The following SAMD15 variants were observed in gnomAD, a reference collection of about 807,000 sequenced individuals.
The protein encoded by SAMD15 is sterile alpha motif domain-containing protein 15.
Under a neutral mutation model 50.5 loss-of-function variants are expected in SAMD15, and 37 were observed. The observed-to-expected ratio is 0.73, with a 90% CI of 0.56 to 0.96. SAMD15 has a LOEUF of 0.96. SAMD15 is among the 40% of genes least tolerant of loss of function. The pLI, the probability that SAMD15 is intolerant of heterozygous loss-of-function variation, is 0.00. For synonymous variants in SAMD15, 255 were observed against 282.8 expected, an observed-to-expected ratio of 0.90 and a Z score of 0.99; for missense variants, 789 against 783.8, an observed-to-expected ratio of 1.01 and a Z score of -0.08.
Position 77,391,225 on chromosome 14 carries a change from T to G in SAMD15, c.2006T>G (p.Leu669Ter), listed in dbSNP as rs1894068723. 3 of 1,608,632 alleles carry G rather than the reference T, an allele frequency of 1.9e-6. No homozygotes were observed. The highest frequency in any genetic ancestry group is 1.7e-6 in the Non-Finnish European group (2 of 1,174,940). Reference protein sequence around the residue: ...EITAPEENEELPCTEP With the variant: ...EITAPEENEE The stretch of plus-strand genomic sequence containing the variant: ...ACTGCCCCTGAAGAGAATGAGGAAT[T>G]ACCTTGCACTGAACCATAGGGGAAA... Residue 669 changes from leucine to a stop codon, truncating the protein, a stop_gained, in exon 3 of 3, where the codon TTA (leucine) becomes TGA (stop). Coordinates refer to ENST00000216471, the MANE Select transcript of SAMD15 (RefSeq NM_001010860.4). LOFTEE classifies it low-confidence loss of function (END_TRUNC).
At chr14:77,390,690 G>A (rs1180328787) in intron 2 of SAMD15, among the ~76,000 whole-genome samples, 1 of 152,170 alleles carries the variant, frequency 6.6e-6, no homozygotes, top group Non-Finnish European at 1.5e-5. Flanking sequence ...AAAAGTTCGA[G>A]ACCAGCCTGG....
At chr14:77,379,943 G>A (rs1388501738) in intron 1 of SAMD15, among the ~76,000 whole-genome samples, 1 of 152,120 alleles carries the variant, frequency 6.6e-6, no homozygotes, top group African/African-American at 2.4e-5. Context: ...ATGCCAACTA[G>A]GTTTAAGGCT....
chr14:77,391,210 A>G lies in SAMD15; in HGVS notation c.1991A>G (p.Glu664Gly), dbSNP rs1488444827. 2 of 1,613,648 alleles carry G rather than the reference A, an allele frequency of 1.2e-6. No individual in the cohort carries two copies. Among genetic ancestry groups the G allele is most frequent in the Admixed American group, 1.7e-5 (1 of 60,020 alleles). ...QDYAPEITAP[E>G]ENEELPCTEP is the part of the protein sequence containing the mutation. The stretch of plus-strand genomic sequence containing the variant: ...TATGCTCCAGAAATAACTGCCCCTG[A>G]AGAGAATGAGGAATTACCTTGCACT... The change falls in exon 3 of 3, where the codon GAA becomes GGA. Residue 664 changes from glutamate to glycine, a missense_variant. Transcript: ENST00000216471.
chr14:77,384,232 G>A (rs1378781087), intron 2 of SAMD15, among the ~76,000 whole-genome samples: 1 of 152,126 alleles, frequency 6.6e-6, no homozygotes, highest in Non-Finnish European at 1.5e-5. Flanking sequence ...AAGGAAGAGC[G>A]AGCAGATTGC....
At chr14:77,382,130 G>GT (rs765891920) in intron 2 of SAMD15, among the ~76,000 whole-genome samples, 363 of 134,212 alleles carry the variant, frequency 2.7e-3, no homozygotes, top group African/African-American at 5.2e-3. Flanking sequence ...TTTTTTTGGG[G>GT]TTTTTTTTTT....
At chr14:77,390,706 A>G (rs922346382) in intron 2 of SAMD15, among the ~76,000 whole-genome samples, 5 of 152,166 alleles carry the variant, frequency 3.3e-5, no homozygotes, top group African/African-American at 1.2e-4. Flanking sequence ...CCTGGCCGAC[A>G]TGGTGAAACC....
In SAMD15 at chr14:77,384,589, C is replaced by CT. The variant is rs1257406600; in HGVS notation, c.1788+4116dup. ...CTTGTGGCCTTTTGACATGTCCTCC[C>CT]TTTTTTTTAAAGCATCTCCTTACCT... On this transcript the variant is annotated intron_variant, in intron 2 of 2. Coordinates refer to ENST00000216471, the MANE Select transcript of SAMD15 (RefSeq NM_001010860.4). Among the ~76,000 whole-genome samples the CT allele has an allele frequency of 2.6e-5, 4 of 152,048 alleles. No individual in the cohort carries two copies. The East Asian group carries it at 5.8e-4, about 22-fold the overall frequency.
Position 77,391,135 on chromosome 14 carries a change from C to A in SAMD15, c.1916C>A (p.Ser639Tyr). ...LEQKGHTGIK[S>Y]DSLTLSEFVK... ...CAAAAAGGTCATACTGGGATAAAAT[C>A]TGATTCCTTGACTTTATCTGAATTT... The change falls in exon 3 of 3, where the codon TCT becomes TAT. Residue 639 changes from serine to tyrosine, a missense_variant. Ser to Tyr is a moderately radical substitution (Grantham distance 144). Transcript: ENST00000216471. 1 of 1,613,872 alleles carries A rather than the reference C, an allele frequency of 6.2e-7. No homozygotes were observed. The highest frequency in any genetic ancestry group is 1.1e-5 in the South Asian group (1 of 91,078).
In SAMD15 at chr14:77,378,689, G is replaced by A. The variant is rs576375129; in HGVS notation, c.1271G>A (p.Arg424Lys). Residue 424 changes from arginine (R) to lysine (K), a missense_variant, in exon 1 of 3, where the codon AGG becomes AAG. Coordinates refer to ENST00000216471, the MANE Select transcript of SAMD15 (RefSeq NM_001010860.4). ...ETHVEFSKED[R>K]PEPIKSKYSV... ...CATGTAGAATTTTCCAAGGAAGACA[G>A]GCCAGAACCAATAAAGTCTAAGTAT... 1.3e-4 allele frequency: 209 copies of A among 1,614,134 alleles called. 2 individuals are homozygous for A. The South Asian group carries it at 2.2e-3, about 17-fold the overall frequency.
At chr14:77,387,692 C>T (rs1894019356) in intron 2 of SAMD15, among the ~76,000 whole-genome samples, 1 of 151,896 alleles carries the variant, frequency 6.6e-6, no homozygotes, top group African/African-American at 2.4e-5. Context: ...CTGTTATAGC[C>T]CACAGAGGGA....
intron 2 of SAMD15, among the ~76,000 whole-genome samples, chr14:77,381,582 T>TA (rs1398155970): frequency 5.9e-5 from 9 of 152,222 alleles, no homozygotes; most frequent in African/African-American, 1.9e-4. Context: ...TTTGATTCAT[T>TA]AGGGCTGGGT....
Position 77,391,073 on chromosome 14 carries a change from C to T in SAMD15, c.1854C>T (p.Ser618=), listed in dbSNP as rs1413310149. ...AGCCATTATTCAAACGCTCCATCAG[C>T]CTTCCCTATAGGGATATTATCGGCT... ...IEEPLFKRSI[S]LPYRDIIGLY... is the part of the protein sequence containing the mutation. Residue 618 remains serine, a synonymous_variant, in exon 3 of 3, where the codon AGC becomes AGT. Transcript: ENST00000216471. The T allele has an allele frequency of 1.2e-6, 2 of 1,614,046 alleles. No individual in the cohort carries two copies. Among genetic ancestry groups the T allele is most frequent in the Non-Finnish European group, 1.7e-6 (2 of 1,179,944 alleles).
rs995627465 is a variant in SAMD15, at chr14:77,377,703, A to G, written c.285A>G (p.Val95=). 6.2e-7 allele frequency: 1 copy of G among 1,614,220 alleles called. No individual in the cohort carries two copies. The highest frequency in any genetic ancestry group is 1.7e-5 in the Admixed American group (1 of 60,028). Residue 95 remains valine, a synonymous_variant, in exon 1 of 3, where the codon GTA becomes GTG. Coordinates refer to ENST00000216471, the MANE Select transcript of SAMD15 (RefSeq NM_001010860.4). ...EGIAKESKRD[V]PSETEPGIHQ... is the part of the protein sequence containing the mutation. Reference sequence around the variant, plus strand: ...TTGCCAAGGAGTCCAAGAGAGACGTACCAAGCGAAACTGAACCAGGGATAC... The same window carrying G: ...TTGCCAAGGAGTCCAAGAGAGACGTGCCAAGCGAAACTGAACCAGGGATAC...
chr14:77,383,333 T>A (rs1162705939), intron 2 of SAMD15, among the ~76,000 whole-genome samples: 2 of 152,234 alleles, frequency 1.3e-5, no homozygotes, highest in African/African-American at 2.4e-5. Flanking sequence ...CTTTTTATCA[T>A]GAGAAGGCAT....
At chr14:77,379,177 C>T (rs1360748902) in intron 1 of SAMD15, 70 bp downstream of exon 1, 2 of 1,419,556 alleles carry the variant, frequency 1.4e-6, no homozygotes, top group African/African-American at 1.4e-5. Flanking sequence ...TCTAACTTGG[C>T]CTGAGCTCTT....
Position 77,378,971 on chromosome 14 carries a change from A to G in SAMD15, c.1553A>G (p.Gln518Arg). ...VHEKEVVDLS[Q>R]ELKERVSEDD... ...GAAAAGGAAGTTGTAGATTTGTCCC[A>G]AGAGTTGAAGGAACGGGTCTCTGAA... Residue 518 changes from glutamine (Q) to arginine (R), a missense_variant, in exon 1 of 3, where the codon CAA becomes CGA. Gln to Arg is a conservative substitution (Grantham distance 43). This residue lies in a region of SAMD15 where 770 missense variants were observed against 745.4 expected (regional missense o/e 1.03). Coordinates refer to ENST00000216471, the MANE Select transcript of SAMD15 (RefSeq NM_001010860.4). 1 of 1,614,218 alleles carries G rather than the reference A, an allele frequency of 6.2e-7. No homozygotes were observed. The highest frequency in any genetic ancestry group is 8.5e-7 in the Non-Finnish European group (1 of 1,180,040).
At chr14:77,385,285 T>C (rs1219465188) in intron 2 of SAMD15, among the ~76,000 whole-genome samples, 1 of 151,860 alleles carries the variant, frequency 6.6e-6, no homozygotes, top group South Asian at 2.1e-4. Context: ...GCCTTTTTTT[T>C]TCTTTTTTCT....
Position 77,391,157 on chromosome 14 carries a change from A to G in SAMD15, c.1938A>G (p.Glu646=). 6.2e-7 allele frequency: 1 copy of G among 1,614,002 alleles called. No homozygotes were observed. Among genetic ancestry groups the G allele is most frequent in the Non-Finnish European group, 8.5e-7 (1 of 1,179,910 alleles). Residue 646 remains glutamate, a synonymous_variant, in exon 3 of 3, where the codon GAA becomes GAG. Coordinates refer to ENST00000216471, the MANE Select transcript of SAMD15 (RefSeq NM_001010860.4). ...AATCTGATTCCTTGACTTTATCTGAATTTGTCAAAGCAGCAGGATTACAGG... is the reference window on the plus strand; with the variant it reads ...AATCTGATTCCTTGACTTTATCTGAGTTTGTCAAAGCAGCAGGATTACAGG... ...GIKSDSLTLS[E]FVKAAGLQDY...
In SAMD15 at chr14:77,378,980, A is replaced by C. The variant is rs1566699937; in HGVS notation, c.1562A>C (p.Lys521Thr). The change falls in exon 1 of 3, where the codon AAG (lysine) becomes ACG (threonine). Residue 521 changes from lysine to threonine, a missense_variant. Lys to Thr is a moderately conservative substitution (Grantham distance 78). Around this residue, in one of 2 missense-constraint regions of SAMD15, gnomAD observed 770 missense variants for 745.4 expected, o/e 1.03. Coordinates refer to ENST00000216471, the MANE Select transcript of SAMD15 (RefSeq NM_001010860.4). ...KEVVDLSQEL[K>T]ERVSEDDETQ... ...GTTGTAGATTTGTCCCAAGAGTTGA[A>C]GGAACGGGTCTCTGAAGATGACGAA... The C allele has an allele frequency of 6.2e-7, 1 of 1,614,210 alleles. No individual in the cohort carries two copies. The highest frequency in any genetic ancestry group is 2.2e-5 in the East Asian group (1 of 44,878).
Sources: allele counts gnomAD v4.1 joint callset (sites outside exome capture counted in the v4.1 genomes callset), GRCh38; gene constraint gnomAD v4.1.1; regional missense constraint gnomAD v4.1.1; transcripts MANE v1.5; gene names NCBI Gene and HGNC (gene_info 2026-07-23, HGNC 2026-07-21).